Variants in MTFR1 observed in about 807,000 individuals in gnomAD.
MTFR1 encodes mitochondrial fission regulator 1, also known as chondrocyte protein with a poly-proline region.
MTFR1 carries 28 observed loss-of-function variants against 38.8 expected under a neutral mutation model. The ratio of observed to expected loss-of-function variants is 0.72; its 90% CI spans 0.53 to 0.99. The LOEUF (loss-of-function observed/expected upper bound fraction) is 0.99, where lower values mean the gene tolerates loss of function less well. MTFR1 is among the 50% of genes least tolerant of loss of function. The pLI, the probability that MTFR1 is intolerant of heterozygous loss-of-function variation, is 0.00. For synonymous variants in MTFR1, 145 were observed against 137.0 expected (o/e 1.06, Z -0.41); for missense variants, 358 against 395.5 (o/e 0.91, Z 0.81).
At chr8:65,733,263 C>T (rs1023771162) in intron 3 of MTFR1, among the ~76,000 whole-genome samples, 1 of 152,188 alleles carries the variant, frequency 6.6e-6, no homozygotes, top group African/African-American at 2.4e-5. Flanking sequence ...TTTCCCTGCC[C>T]CTGGCTTGGG....
At chr8:65,648,493 G>C (rs1007640183) in intron 1 of MTFR1, among the ~76,000 whole-genome samples, 7 of 152,138 alleles carry the variant, frequency 4.6e-5, no homozygotes, top group African/African-American at 1.7e-4. Flanking sequence ...TTAGGGACCA[G>C]AACATTCCAC....
At chr8:65,776,621 TTTAG>T in the MTFR1 span, among the ~76,000 whole-genome samples, 7 of 152,218 alleles carry the variant, frequency 4.6e-5, no homozygotes, top group Admixed American at 2.6e-4. Context: ...TATACATATC[TTTAG>T]TTAGATTTAT....
chr8:65,703,419 G>GTTTTTTTTTTTTTTTTTT (rs553260839), intron 4 of MTFR1, among the ~76,000 whole-genome samples: 1 of 50,954 alleles, frequency 2.0e-5, no homozygotes, highest in African/African-American at 8.1e-5. Flanking sequence ...GATGTCTCTG[G>GTTTTTTTTTTTTTTTTTT]TTTTTTTTTT....
chr8:65,690,086 G>A (rs1426728137), intron 3 of MTFR1, among the ~76,000 whole-genome samples: 1 of 151,922 alleles, frequency 6.6e-6, no homozygotes, highest in Non-Finnish European at 1.5e-5. Context: ...TAAAGTTTGT[G>A]CAAAAGCTGG....
At chr8:65,658,708 A>T (rs1335169502) in intron 1 of MTFR1, among the ~76,000 whole-genome samples, 2 of 152,168 alleles carry the variant, frequency 1.3e-5, no homozygotes, top group Admixed American at 1.3e-4. Flanking sequence ...TAAAAACCTT[A>T]TTTATTTTGA....
At chr8:65,734,719 C>T in intron 3 of MTFR1, 1 of 821,702 alleles carries the variant, frequency 1.2e-6, no homozygotes, top group East Asian at 2.5e-5. Flanking sequence ...GCAGTAACTT[C>T]AGGAGAAGTA....
upstream of MTFR1, among the ~76,000 whole-genome samples, chr8:65,644,307 G>C (rs546473587): frequency 6.6e-6 from 1 of 152,272 alleles, no homozygotes; most frequent in South Asian, 2.1e-4. Flanking sequence ...TCGGATGTGA[G>C]GTCCGCATAG....
intron 3 of MTFR1, chr8:65,739,367 G>T: frequency 1.0e-6 from 1 of 977,038 alleles, no homozygotes; most frequent in Non-Finnish European, 1.4e-6. Context: ...CTAAATAACT[G>T]TGTGTTGTTT....
intron 3 of MTFR1, among the ~76,000 whole-genome samples, chr8:65,736,315 T>C (rs921095610): frequency 6.6e-6 from 1 of 152,192 alleles, no homozygotes; most frequent in Non-Finnish European, 1.5e-5. Flanking sequence ...AACTTATGAA[T>C]TGTTTACTTC....
chr8:65,702,687 C>G (rs1805651622), intron 4 of MTFR1, among the ~76,000 whole-genome samples: 1 of 151,906 alleles, frequency 6.6e-6, no homozygotes, highest in Non-Finnish European at 1.5e-5. Flanking sequence ...GAGGGAGGGT[C>G]AGTAGAAATC....
chr8:65,658,020 G>C (rs978615885), intron 1 of MTFR1, among the ~76,000 whole-genome samples: 2 of 152,150 alleles, frequency 1.3e-5, no homozygotes, highest in African/African-American at 4.8e-5. Context: ...TCTGAGAATA[G>C]TAAACATTAT....
intron 3 of MTFR1, among the ~76,000 whole-genome samples, chr8:65,738,756 G>A (rs1252744309): frequency 5.9e-5 from 9 of 152,132 alleles, no homozygotes; most frequent in Admixed American, 2.0e-4. Context: ...AAAGCCTACC[G>A]TCAAAGAGAT....
chr8:65,662,973 G>A (rs1177100044), intron 1 of MTFR1, among the ~76,000 whole-genome samples: 1 of 151,528 alleles, frequency 6.6e-6, no homozygotes, highest in African/African-American at 2.4e-5. Context: ...CTGCCCGGCC[G>A]CCCCTACTGG....
rs921207183 is a variant in MTFR1 at position 65,662,539 on chromosome 8, G to A, written c.-80-7334G>A. 5.5e-5 allele frequency among the ~76,000 whole-genome samples: 8 copies of A among 146,380 alleles called. 1 individual carries two copies. Among genetic ancestry groups the A allele is most frequent in the Admixed American group, 2.8e-4 (4 of 14,508 alleles). Reference sequence around the variant, plus strand: ...CGCCACCCCGTCTGGGAAGTGAGGAGCGTCTCTGCCTGGCCGCCCATCGTC... The same window carrying A: ...CGCCACCCCGTCTGGGAAGTGAGGAACGTCTCTGCCTGGCCGCCCATCGTC... On this transcript the variant is annotated intron_variant, in intron 1 of 7. Coordinates refer to ENST00000262146, the MANE Select transcript of MTFR1 (RefSeq NM_014637.4).
intron 3 of MTFR1, chr8:65,726,955 T>C: frequency 6.3e-7 from 1 of 1,588,970 alleles, no homozygotes; most frequent in Non-Finnish European, 8.6e-7. Context: ...GATTTTCCAG[T>C]ACTGAGGTAT....
chr8:65,680,064 A>C (rs1804829327), intron 2 of MTFR1, among the ~76,000 whole-genome samples: 1 of 152,094 alleles, frequency 6.6e-6, no homozygotes, highest in Non-Finnish European at 1.5e-5. Context: ...AGATTCAGTG[A>C]AACTTTGGAA....
At chr8:65,707,354 T>C in intron 6 of MTFR1, 98 bp downstream of exon 6, 1 of 1,284,352 alleles carries the variant, frequency 7.8e-7, no homozygotes. Flanking sequence ...ATGACTGCCA[T>C]GAATAGTTTT....
chr8:65,649,943 A>C (rs1809073888), intron 1 of MTFR1, among the ~76,000 whole-genome samples: 1 of 151,880 alleles, frequency 6.6e-6, no homozygotes, highest in African/African-American at 2.4e-5. Context: ...GGTTCAAGCG[A>C]TTCTCCTGCC....
intron 2 of MTFR1, among the ~76,000 whole-genome samples, chr8:65,717,291 G>A (rs1262224571): frequency 6.6e-6 from 1 of 152,200 alleles, no homozygotes. Flanking sequence ...ATAGGGAATG[G>A]CACAGTGGTA....
Sources: gnomAD v4.1 joint callset for allele counts (sites outside exome capture counted in the v4.1 genomes callset) on GRCh38, gnomAD v4.1.1 for gene constraint, MANE v1.5 for transcripts, NCBI Gene and HGNC (gene_info 2026-07-23, HGNC 2026-07-21) for gene names.